Variants in DNAH17 observed in about 807,000 individuals in gnomAD.
DNAH17 encodes the protein dynein axonemal heavy chain 17, also known as axonemal beta dynein heavy chain 17.
Under a neutral mutation model 485.6 loss-of-function variants are expected in DNAH17, and 376 were observed. The ratio of observed to expected loss-of-function variants is 0.77; its 90% confidence interval spans 0.71 to 0.84. DNAH17 has a LOEUF of 0.84. Ranked by LOEUF, DNAH17 falls within the 40% of genes least tolerant of loss-of-function variation. DNAH17 has a pLI of 0.00. For missense variants in DNAH17, 6,370 were observed against 5,839.3 expected (o/e 1.09, Z -2.96); for synonymous variants, 3,031 against 2,405.9 (o/e 1.26, Z -7.60).
At chr17:78,572,678 C>A (rs376898627) in intron 3 of DNAH17, 23 bp downstream of exon 3, 1 of 1,573,570 alleles carries the variant, frequency 6.4e-7, no homozygotes, top group South Asian at 1.2e-5. Context: ...CAGCGGCAGC[C>A]GGAAGCAGCT....
intron 73 of DNAH17, among the ~76,000 whole-genome samples, chr17:78,438,497 CTT>C (rs1022048504): frequency 1.9e-5 from 2 of 106,652 alleles, no homozygotes; most frequent in African/African-American, 7.4e-5. Flanking sequence ...CACTTGTCAT[CTT>C]TTTTTTTTAT....
At chr17:78,543,403 G>A (rs551142993) in intron 17 of DNAH17, among the ~76,000 whole-genome samples, 3 of 151,966 alleles carry the variant, frequency 2.0e-5, no homozygotes, top group Admixed American at 2.0e-4. Context: ...CCATTCTCCT[G>A]CCTCAGCCTC....
At chr17:78,497,730 GC>G (rs1442809627) in intron 37 of DNAH17, among the ~76,000 whole-genome samples, 3 of 152,192 alleles carry the variant, frequency 2.0e-5, no homozygotes, top group Non-Finnish European at 4.4e-5. Context: ...GCCACCCCAG[GC>G]ACCTCTAATC....
intron 13 of DNAH17, among the ~76,000 whole-genome samples, chr17:78,559,367 C>A (rs1483498054): frequency 6.6e-6 from 1 of 152,216 alleles, no homozygotes; most frequent in South Asian, 2.1e-4. Flanking sequence ...CCCCACCTGC[C>A]CTCTTGGCCA....
Position 78,558,069 on chromosome 17 carries a change from C to T in DNAH17, c.2178+39G>A, listed in dbSNP as rs377206165. The T allele has an allele frequency of 7.6e-6, 12 of 1,573,908 alleles. No homozygotes were observed. The African/African-American group carries it at 1.1e-4, about 14-fold the overall frequency. ...AACTTGACAAAAAACCAAAACAATA[C>T]AAAGCTGCATCAGGAATAGTACCGA... On this transcript the variant is annotated intron_variant, in intron 14 of 80. Transcript: ENST00000389840.
rs965809152 is a variant in DNAH17, at chr17:78,548,216, T to G, written c.2391+3319A>C. Among the ~76,000 whole-genome samples the G allele has an allele frequency of 3.6e-5, 5 of 140,420 alleles. 1 individual carries two copies. Among genetic ancestry groups the G allele is most frequent in the African/African-American group, 1.3e-4 (5 of 37,342 alleles). 92.1% of individuals were successfully genotyped at this position (140,420 alleles called of 152,430 possible). A position where few individuals can be genotyped will look rare whatever the true frequency, so the allele number is the denominator to read the frequency against. ...GATGTCATGGCCTTTTTTTTTTTTT[T>G]TTTTTGGAGACAGAGTCTTGCTCTG... On this transcript the variant is annotated intron_variant, in intron 16 of 80. Transcript: ENST00000389840.
rs2087541009 is a variant in DNAH17, at chr17:78,451,323, A to G, written c.10734+146T>C. On this transcript the variant is annotated intron_variant, in intron 66 of 80. Transcript: ENST00000389840. ...CCATCCTGTCGTATGAGAAGCTGTG[A>G]TGCCGTGGGACACACTGAGGCACCT... 9.0e-6 allele frequency: 6 copies of G among 665,124 alleles called. No homozygotes were observed. In the South Asian group the frequency reaches 1.2e-4, roughly 13 times the overall value. 41.2% of individuals were successfully genotyped at this position (665,124 alleles called of 1,614,324 possible). A position where few individuals can be genotyped will look rare whatever the true frequency, so the allele number is the denominator to read the frequency against.
chr17:78,495,826 T>C, intron 38 of DNAH17, 49 bp downstream of exon 38: 1 of 1,583,942 alleles, frequency 6.3e-7, no homozygotes, highest in Non-Finnish European at 8.6e-7. Context: ...GACGTTGCTG[T>C]GGCCGGCCTG....
At chr17:78,435,343 T>C (rs2086822061) in intron 74 of DNAH17, among the ~76,000 whole-genome samples, 1 of 152,136 alleles carries the variant, frequency 6.6e-6, no homozygotes. Flanking sequence ...ATCGTGGACA[T>C]ACAGGTTCCA....
chr17:78,443,967 G>A (rs1024471925), intron 71 of DNAH17, among the ~76,000 whole-genome samples: 4 of 152,180 alleles, frequency 2.6e-5, no homozygotes, highest in East Asian at 1.9e-4. Flanking sequence ...CCCCAGGCTC[G>A]TTTCTGTGCT....
intron 14 of DNAH17, among the ~76,000 whole-genome samples, chr17:78,557,518 A>G (rs184643840): frequency 5.8e-4 from 88 of 151,468 alleles, no homozygotes; most frequent in Admixed American, 1.1e-3. Context: ...ACACGCCTGT[A>G]GTCCCAGCTA....
chr17:78,447,873 A>G (rs1330719341), intron 69 of DNAH17, among the ~76,000 whole-genome samples: 1 of 152,184 alleles, frequency 6.6e-6, no homozygotes, highest in Admixed American at 6.6e-5. Context: ...TTCTTTAAAA[A>G]CATTTTAAAA....
At chr17:78,566,054 T>A (rs2092261137) in intron 11 of DNAH17, among the ~76,000 whole-genome samples, 1 of 152,132 alleles carries the variant, frequency 6.6e-6, no homozygotes, top group African/African-American at 2.4e-5. Context: ...TTCTGCCATG[T>A]AAGGACCAAA....
rs1375170871 is a variant in DNAH17, at chr17:78,437,744, T to G, written c.11930A>C (p.His3977Pro). The change falls in exon 74 of 81, where the codon CAC becomes CCC. Residue 3977 changes from histidine to proline, a missense_variant. His to Pro is a moderately conservative substitution (Grantham distance 77). Transcript: ENST00000389840. Reference sequence around the variant, plus strand: ...CTCCAGAATGCCCTGGGGGATGATGTGGGTCTCGGGGCTGGGGGCAGGCTC... The same window carrying G: ...CTCCAGAATGCCCTGGGGGATGATGGGGGTCTCGGGGCTGGGGGCAGGCTC... ...SAEPAPSPET[H>P]IIPQGILENA... 1 of 1,612,376 alleles carries G rather than the reference T, an allele frequency of 6.2e-7. No individual in the cohort carries two copies. The highest frequency in any genetic ancestry group is 1.3e-5 in the African/African-American group (1 of 74,892).
In DNAH17 at chr17:78,433,923, A is replaced by AGGAAGGAG. The variant is rs2086768268; in HGVS notation, c.12225+98_12225+105dup. On this transcript the variant is annotated intron_variant, in intron 75 of 80. Transcript: ENST00000389840. ...CAAAGACCAAAAGGAAAGGGAGGGA[A>AGGAAGGAG]GGAAGGAGGGAGGGAAGGAGGGAGG... is the stretch of plus-strand genomic sequence containing the variant. 3 of 558,016 alleles carry AGGAAGGAG rather than the reference A, an allele frequency of 5.4e-6. No homozygotes were observed. In the East Asian group the frequency reaches 1.1e-4, roughly 20 times the overall value. The allele number at this position is 558,016 out of a possible 1,614,324, so 34.6% of individuals were successfully genotyped here.
At chr17:78,516,396 G>A (rs1372077697) in intron 25 of DNAH17, among the ~76,000 whole-genome samples, 2 of 152,120 alleles carry the variant, frequency 1.3e-5, no homozygotes, top group Non-Finnish European at 2.9e-5. Flanking sequence ...TCATGTAAAA[G>A]AAACTTGAGG....
chr17:78,503,255 T>C (rs866473179), intron 31 of DNAH17, among the ~76,000 whole-genome samples: 15 of 140,510 alleles, frequency 1.1e-4, no homozygotes, highest in Middle Eastern at 8.0e-3. Context: ...TCTCGGCTCA[T>C]TGCAAGCTCC....
intron 66 of DNAH17, 30 bp from the exon 67 acceptor site, chr17:78,450,876 T>C (rs1455184665): frequency 1.1e-5 from 18 of 1,610,860 alleles, no homozygotes; most frequent in Non-Finnish European, 8.5e-7. Context: ...AGTCACTGCA[T>C]TGCCTGGCTC....
intron 57 of DNAH17, 40 bp downstream of exon 57, chr17:78,462,804 G>A: frequency 6.2e-7 from 1 of 1,603,302 alleles, no homozygotes; most frequent in Non-Finnish European, 8.5e-7. Flanking sequence ...AGGCCTCCAG[G>A]GAACGGCACA....
Sources: gnomAD v4.1 joint callset for allele counts (sites outside exome capture counted in the v4.1 genomes callset) on GRCh38, gnomAD v4.1.1 for gene constraint, MANE v1.5 for transcripts, NCBI Gene and HGNC (gene_info 2026-07-23, HGNC 2026-07-21) for gene names.